Variants in MACROH2A2 observed in about 807,000 individuals in gnomAD.
MACROH2A2 encodes macroH2A.2 histone.
A neutral mutation model predicts 37.6 loss-of-function variants in MACROH2A2; 6 were observed. The observed-to-expected ratio is 0.16, with a 90% CI of 0.09 to 0.32. MACROH2A2 has a LOEUF of 0.32. Ranked by LOEUF, MACROH2A2 falls within the 10% of genes least tolerant of loss-of-function variation. The pLI is 1.00. For synonymous variants in MACROH2A2, 192 were observed against 202.7 expected (o/e 0.95, Z 0.45); for missense variants, 290 against 485.9 (o/e 0.60, Z 3.79).
intron 1 of MACROH2A2, among the ~76,000 whole-genome samples, chr10:70,062,139 A>G (rs2072054105): frequency 6.6e-6 from 1 of 152,212 alleles, no homozygotes; most frequent in Non-Finnish European, 1.5e-5. Context: ...GTGGGAAGCT[A>G]AGATTTTTTT....
rs1446853388 is a variant in MACROH2A2, at chr10:70,053,607, G to C, written c.-60+607G>C. On this transcript the variant is annotated intron_variant, in intron 1 of 8. Coordinates refer to ENST00000373255, the MANE Select transcript of MACROH2A2 (RefSeq NM_018649.3). This position sits in a 1 kb window ranked among gnomAD's most constrained non-coding sequence, Gnocchi z 4.8. ...CGGGGAAGGTCAGGTCGGGGACGCC[G>C]GGTGGCGGGGCGAGGGCTGGGGGTT... Among the ~76,000 whole-genome samples the C allele has an allele frequency of 6.6e-6, 1 of 151,226 alleles. No individual in the cohort carries two copies.
Position 70,093,866 on chromosome 10 carries a change from G to A in MACROH2A2, c.588+21G>A, listed in dbSNP as rs1238852953. On this transcript the variant is annotated intron_variant, in intron 5 of 8. Transcript: ENST00000373255. ...AGAAGGTAACAAAGAGAATTGCCTT[G>A]TGCTATATTAAAACACCACTGTATT... 6.1e-6 allele frequency: 8 copies of A among 1,305,412 alleles called. No homozygotes were observed. In the Admixed American group the frequency reaches 1.2e-4, roughly 19 times the overall value. 80.9% of individuals were successfully genotyped at this position (1,305,412 alleles called of 1,614,324 possible).
At chr10:70,089,990 AT>A in intron 2 of MACROH2A2, 69 bp from the exon 3 acceptor site, 2 of 961,556 alleles carry the variant, frequency 2.1e-6, no homozygotes, top group Non-Finnish European at 3.4e-6. Context: ...CTTGAAGGCC[AT>A]TTCTAAAGAA....
chr10:70,097,098 G>A (rs1457098611), intron 6 of MACROH2A2, among the ~76,000 whole-genome samples: 1 of 152,096 alleles, frequency 6.6e-6, no homozygotes. Context: ...GCACTGGTCT[G>A]GGAGCAAAAA....
chr10:70,093,298 C>T (rs190023819), intron 4 of MACROH2A2, among the ~76,000 whole-genome samples: 75 of 152,346 alleles, frequency 4.9e-4, no homozygotes, highest in African/African-American at 1.8e-3. Context: ...TCCACGATCA[C>T]AGAAAGTTCT....
chr10:70,074,544 C>T lies in MACROH2A2; in HGVS notation c.-59-1056C>T, dbSNP rs376661642. 3.2e-4 allele frequency among the ~76,000 whole-genome samples: 48 copies of T among 152,230 alleles called. 1 individual carries two copies. Among genetic ancestry groups the T allele is most frequent in the African/African-American group, 1.1e-3 (46 of 41,534 alleles). ...ACCTAACGGATGGTTTGGCTGTGTC[C>T]CCACCCAAATCTCATCTTGAATTAT... On this transcript the variant is annotated intron_variant, in intron 1 of 8. Coordinates refer to ENST00000373255, the MANE Select transcript of MACROH2A2 (RefSeq NM_018649.3).
At chr10:70,058,556 C>T (rs1312100260) in intron 1 of MACROH2A2, among the ~76,000 whole-genome samples, 1 of 152,058 alleles carries the variant, frequency 6.6e-6, no homozygotes, top group African/African-American at 2.4e-5. Context: ...TCTATGACAA[C>T]AGGATAAAAG....
intron 7 of MACROH2A2, among the ~76,000 whole-genome samples, chr10:70,103,576 G>A (rs2072318734): frequency 6.6e-6 from 1 of 152,168 alleles, no homozygotes; most frequent in South Asian, 2.1e-4. Context: ...TAAGGAGATC[G>A]TAGCTGAGAA....
chr10:70,072,695 A>G (rs2072117515), intron 1 of MACROH2A2, among the ~76,000 whole-genome samples: 1 of 152,030 alleles, frequency 6.6e-6, no homozygotes, highest in African/African-American at 2.4e-5. Flanking sequence ...GGTGGCTCAC[A>G]CCTGTAATCC....
chr10:70,066,704 T>C (rs1342157367), intron 1 of MACROH2A2, among the ~76,000 whole-genome samples: 3 of 152,212 alleles, frequency 2.0e-5, no homozygotes, highest in Non-Finnish European at 2.9e-5. Context: ...TATTTGTGAA[T>C]TTGCCTACAT....
chr10:70,056,072 A>T (rs1564538959), intron 1 of MACROH2A2, among the ~76,000 whole-genome samples: 1 of 152,208 alleles, frequency 6.6e-6, no homozygotes. Context: ...AACGATATAA[A>T]ATTATACATC....
At chr10:70,062,513 A>T (rs928422767) in intron 1 of MACROH2A2, among the ~76,000 whole-genome samples, 2 of 152,354 alleles carry the variant, frequency 1.3e-5, no homozygotes, top group East Asian at 3.9e-4. Flanking sequence ...AAAAGCTCTA[A>T]GATCTCTTAT....
At position 70,109,015 on chromosome 10, in the gene MACROH2A2, T is replaced by C. The variant is rs771270073; in HGVS notation, c.779-18T>C. 35 of 1,611,160 alleles carry C rather than the reference T, an allele frequency of 2.2e-5. No homozygotes were observed. Among genetic ancestry groups the C allele is most frequent in the Non-Finnish European group, 3.0e-5 (35 of 1,177,534 alleles). On this transcript the variant is annotated intron_variant, in intron 7 of 8. Transcript: ENST00000373255. The stretch of plus-strand genomic sequence containing the variant: ...ACCTTAGGAAATAACCCGCGGCATT[T>C]TCTCTCCTATGTCCCAGCCGCCGTC...
intron 1 of MACROH2A2, among the ~76,000 whole-genome samples, chr10:70,068,056 A>G (rs1005125885): frequency 2.6e-5 from 4 of 152,118 alleles, no homozygotes; most frequent in South Asian, 2.1e-4. Flanking sequence ...AATGAGACCA[A>G]TGAGTGAGAA....
At chr10:70,080,447 C>T (rs1448614082) in intron 2 of MACROH2A2, among the ~76,000 whole-genome samples, 2 of 151,974 alleles carry the variant, frequency 1.3e-5, no homozygotes, top group Non-Finnish European at 2.9e-5. Context: ...TATAAGATGT[C>T]CAAGAGGGCT....
intron 7 of MACROH2A2, among the ~76,000 whole-genome samples, chr10:70,108,084 T>C (rs1474002791): frequency 6.6e-6 from 1 of 152,134 alleles, no homozygotes; most frequent in Non-Finnish European, 1.5e-5. Context: ...AGCACATGCC[T>C]GTAATCCCAG....
chr10:70,063,457 CTT>C (rs1305698161), intron 1 of MACROH2A2, among the ~76,000 whole-genome samples: 10 of 152,204 alleles, frequency 6.6e-5, no homozygotes, highest in Admixed American at 6.5e-4. Flanking sequence ...TTTATCGTCT[CTT>C]GATGCAAAAT....
chr10:70,106,656 G>C (rs893962373), intron 7 of MACROH2A2, among the ~76,000 whole-genome samples: 10 of 151,844 alleles, frequency 6.6e-5, no homozygotes, highest in African/African-American at 2.4e-4. Flanking sequence ...AAATTAGCCG[G>C]GCATGGTGGC....
intron 2 of MACROH2A2, among the ~76,000 whole-genome samples, chr10:70,082,737 A>C (rs2072187542): frequency 6.6e-6 from 1 of 152,242 alleles, no homozygotes; most frequent in South Asian, 2.1e-4. Context: ...AGATACCCAG[A>C]GTAGGTGATA....
Sources: allele counts gnomAD v4.1 joint callset (sites outside exome capture counted in the v4.1 genomes callset), GRCh38; gene constraint gnomAD v4.1.1; non-coding constraint Gnocchi (gnomAD v3.1); transcripts MANE v1.5; gene names NCBI Gene and HGNC (gene_info 2026-07-23, HGNC 2026-07-21).